The following ANKFN1 variants were observed in gnomAD, a reference collection of about 807,000 sequenced individuals.
ANKFN1 encodes the protein ankyrin repeat and fibronectin type III domain containing 1.
A neutral mutation model predicts 108.7 loss-of-function variants in ANKFN1; 74 were observed. The ratio of observed to expected loss-of-function variants is 0.68; its 90% CI spans 0.56 to 0.83. ANKFN1 has a LOEUF of 0.83. ANKFN1 is among the 40% of genes least tolerant of loss of function. The pLI, the probability that ANKFN1 is intolerant of heterozygous loss-of-function variation, is 0.00. For missense variants in ANKFN1, 1,505 were observed against 1,382.3 expected (o/e 1.09, Z -1.41); for synonymous variants, 547 against 516.2 (o/e 1.06, Z -0.81).
chr17:56,368,653 C>T (rs1295605855), intron 6 of ANKFN1, among the ~76,000 whole-genome samples: 1 of 151,928 alleles, frequency 6.6e-6, no homozygotes, highest in Non-Finnish European at 1.5e-5. Flanking sequence ...ATTCTCTTTT[C>T]CTGACCAATC....
intron 8 of ANKFN1, among the ~76,000 whole-genome samples, chr17:56,397,746 AAGAC>A (rs2047628373): frequency 6.6e-6 from 1 of 152,190 alleles, no homozygotes; most frequent in African/African-American, 2.4e-5. Flanking sequence ...GGTCTTCACT[AAGAC>A]AGAATTATGT....
intron 4 of ANKFN1, among the ~76,000 whole-genome samples, chr17:56,129,286 C>G (rs1384613573): frequency 3.3e-5 from 5 of 152,162 alleles, no homozygotes; most frequent in African/African-American, 4.8e-5. Flanking sequence ...TCAGCCCAGT[C>G]CACTCTTCAG....
intron 3 of ANKFN1, among the ~76,000 whole-genome samples, chr17:56,313,158 A>G (rs2045094768): frequency 6.6e-6 from 1 of 152,064 alleles, no homozygotes; most frequent in Non-Finnish European, 1.5e-5. Context: ...AACTCAAAAA[A>G]AAAAAAGAAA....
chr17:56,396,320 C>A (rs144241211), intron 8 of ANKFN1, among the ~76,000 whole-genome samples: 99 of 152,172 alleles, frequency 6.5e-4, no homozygotes, highest in African/African-American at 2.4e-3. Context: ...TGGTGGCACA[C>A]GCCTGTAATT....
At chr17:56,470,411 A>G (rs1304265668) in intron 15 of ANKFN1, among the ~76,000 whole-genome samples, 1 of 152,194 alleles carries the variant, frequency 6.6e-6, no homozygotes, top group African/African-American at 2.4e-5. Flanking sequence ...CCAACACTGT[A>G]AAAGCTTTCC....
In ANKFN1 at chr17:56,351,112, A is replaced by T. The variant is rs1389037118; in HGVS notation, c.390+145A>T. 5.4e-6 allele frequency: 4 copies of T among 740,712 alleles called. No individual in the cohort carries two copies. In the East Asian group the frequency reaches 1.1e-4, roughly 20 times the overall value. 45.9% of individuals were successfully genotyped at this position (740,712 alleles called of 1,614,324 possible). A position where few individuals can be genotyped will look rare whatever the true frequency, so the allele number is the denominator to read the frequency against. ...CTGGAATAGATTCAGGTAGGGTAGT[A>T]ACTGTACATATTTATGTTGTTAGAC... On this transcript the variant is annotated intron_variant, in intron 5 of 20. Coordinates refer to ENST00000682825, the MANE Select transcript of ANKFN1 (RefSeq NM_001370326.1).
chr17:56,463,829 C>G (rs1168680818), intron 14 of ANKFN1: 1 of 152,194 alleles, frequency 6.6e-6, no homozygotes, highest in East Asian at 1.9e-4. Flanking sequence ...TTCAGGCCTC[C>G]TTATCCCAAC....
chr17:56,300,672 G>A (rs1269679837), intron 3 of ANKFN1, among the ~76,000 whole-genome samples: 1 of 151,838 alleles, frequency 6.6e-6, no homozygotes, highest in African/African-American at 2.4e-5. Context: ...CAAGCTCAAG[G>A]AGCAATGCAT....
rs1598643403 is a variant in ANKFN1 at position 56,457,881 on chromosome 17, G to C, written c.1459G>C (p.Asp487His). The stretch of plus-strand genomic sequence containing the variant: ...TTTGCAGCTGTCTTGTATGTGGGAA[G>C]ATATAAGGTGGCTGAGGCAAAGCAT... ...WFTKLSCMWEDIRWLRQSIPI... is the reference protein window; with the variant it reads ...WFTKLSCMWEHIRWLRQSIPI... The change falls in exon 14 of 21, where the codon GAT (aspartate) becomes CAT (histidine). Residue 487 changes from aspartate (D) to histidine (H), a missense_variant. Asp to His is a moderately conservative substitution (Grantham distance 81). Coordinates refer to ENST00000682825, the MANE Select transcript of ANKFN1 (RefSeq NM_001370326.1). The C allele has an allele frequency of 6.2e-7, 1 of 1,613,652 alleles. No homozygotes were observed. The highest frequency in any genetic ancestry group is 2.2e-5 in the East Asian group (1 of 44,880).
chr17:56,350,970 A>G lies in ANKFN1; in HGVS notation c.390+3A>G, dbSNP rs955267679. 5 of 1,612,762 alleles carry G rather than the reference A, an allele frequency of 3.1e-6. No individual in the cohort carries two copies. The highest frequency in any genetic ancestry group is 2.2e-5 in the East Asian group (1 of 44,786). The stretch of plus-strand genomic sequence containing the variant: ...TGAGTCTCAGGAAGACCTCGGTGGT[A>G]ACAAAACTGTTTTTATTCTTGTGTC... On this transcript the variant is annotated splice_donor_region_variant and intron_variant, in intron 5 of 20. Transcript: ENST00000682825.
intron 1 of ANKFN1, among the ~76,000 whole-genome samples, chr17:56,186,512 C>G (rs1912227376): frequency 6.6e-6 from 1 of 152,194 alleles, no homozygotes; most frequent in South Asian, 2.1e-4. Context: ...GGTGCCAGAG[C>G]ATTCCACGTT....
At position 56,211,808 on chromosome 17, in the gene ANKFN1, G is replaced by A. The variant is rs570185566; in HGVS notation, c.-70-790G>A. ...GTGTTTTGTAGTTTTCCCTGTAGAG[G>A]TATTTCACCTCCTTGGTTAAGTAAA... On this transcript the variant is annotated intron_variant, in intron 1 of 20. Transcript: ENST00000682825. Among the ~76,000 whole-genome samples, 9 of 151,764 alleles carry A rather than the reference G, an allele frequency of 5.9e-5. No individual in the cohort carries two copies. The South Asian group carries it at 1.9e-3, about 32-fold the overall frequency.
chr17:56,153,055 A>G (rs1908762026), upstream of ANKFN1, among the ~76,000 whole-genome samples: 1 of 152,166 alleles, frequency 6.6e-6, no homozygotes, highest in Non-Finnish European at 1.5e-5. Context: ...AGTATTCAGC[A>G]TCCGCAGAAG....
At chr17:56,235,473 T>G (rs1363531311) in intron 3 of ANKFN1, among the ~76,000 whole-genome samples, 1 of 152,200 alleles carries the variant, frequency 6.6e-6, no homozygotes, top group Non-Finnish European at 1.5e-5. Flanking sequence ...CTTCCAGAGT[T>G]TTTATAGTTT....
At chr17:56,061,964 A>C (rs1013610301) in intron 4 of ANKFN1, among the ~76,000 whole-genome samples, 2 of 152,068 alleles carry the variant, frequency 1.3e-5, no homozygotes, top group African/African-American at 4.8e-5. Flanking sequence ...GAGCTTCTTG[A>C]TTTCTGCCTT....
intron 1 of ANKFN1, among the ~76,000 whole-genome samples, chr17:56,185,776 C>T (rs1446446289): frequency 6.6e-6 from 1 of 152,126 alleles, no homozygotes; most frequent in Non-Finnish European, 1.5e-5. Flanking sequence ...CGAGATTGGC[C>T]ATGGCCATTT....
At chr17:56,170,807 T>TATATACAC (rs1361307404) in intron 1 of ANKFN1, among the ~76,000 whole-genome samples, 33 of 61,458 alleles carry the variant, frequency 5.4e-4, no homozygotes, top group Middle Eastern at 8.6e-3. Context: ...TATATATATA[T>TATATACAC]ACACACACAC....
chr17:56,469,631 C>G (rs2050246438), intron 15 of ANKFN1, among the ~76,000 whole-genome samples: 1 of 152,130 alleles, frequency 6.6e-6, no homozygotes, highest in African/African-American at 2.4e-5. Context: ...TATTTAACTT[C>G]TCATCCCTCA....
chr17:56,290,528 T>G (rs559748298), intron 3 of ANKFN1, among the ~76,000 whole-genome samples: 2 of 152,282 alleles, frequency 1.3e-5, no homozygotes, highest in Non-Finnish European at 2.9e-5. Flanking sequence ...CTTAACATTC[T>G]GAATAATGTT....
Sources: gnomAD v4.1 joint callset for allele counts (sites outside exome capture counted in the v4.1 genomes callset) on GRCh38, gnomAD v4.1.1 for gene constraint, MANE v1.5 for transcripts, NCBI Gene and HGNC (gene_info 2026-07-23, HGNC 2026-07-21) for gene names.